Variants in MYOC observed in about 807,000 individuals in gnomAD.
The protein encoded by MYOC is juvenile-onset open-angle glaucoma 1.
MYOC carries 29 observed loss-of-function variants against 28.2 expected under a neutral mutation model. The observed-to-expected ratio is 1.03, with a 90% CI of 0.77 to 1.40. MYOC has a LOEUF of 1.40. Ranked by LOEUF, MYOC falls within the 40% of genes most tolerant of loss-of-function variation. The pLI, the probability that MYOC is intolerant of heterozygous loss-of-function variation, is 0.00. For synonymous variants in MYOC, 240 were observed against 245.6 expected, an observed-to-expected ratio of 0.98 and a Z score of 0.21; for missense variants, 569 against 620.6, an observed-to-expected ratio of 0.92 and a Z score of 0.88.
intron 1 of MYOC, among the ~76,000 whole-genome samples, chr1:171,642,720 C>T (rs1653106119): frequency 6.6e-6 from 1 of 151,974 alleles, no homozygotes; most frequent in African/African-American, 2.4e-5. Flanking sequence ...TGGGAGTACC[C>T]CCCGGGACAT....
In MYOC at chr1:171,635,837, CCTGG is replaced by C; in HGVS notation, c.*84_*87del. The C allele has an allele frequency of 4.9e-6, 7 of 1,434,810 alleles. No homozygotes were observed. Among genetic ancestry groups the C allele is most frequent in the Non-Finnish European group, 6.8e-6 (7 of 1,035,354 alleles). The allele number at this position is 1,434,810 out of a possible 1,614,324, so 88.9% of individuals were successfully genotyped here. On this transcript the variant is annotated 3_prime_UTR_variant, in exon 3 of 3. Transcript: ENST00000037502. ...GGAAAGCAGTCAAAGCTGCCTGGGC[CCTGG>C]CTGGCTGGCTCTCCCTTCAGCCTGC...
At chr1:171,639,472 C>A (rs1376999924) in intron 1 of MYOC, among the ~76,000 whole-genome samples, 1 of 151,794 alleles carries the variant, frequency 6.6e-6, no homozygotes, top group Non-Finnish European at 1.5e-5. Context: ...GTCTGAATTT[C>A]AATAATTAAA....
intron 1 of MYOC, among the ~76,000 whole-genome samples, chr1:171,646,499 T>G (rs1653209496): frequency 7.3e-6 from 1 of 136,204 alleles, no homozygotes; most frequent in Non-Finnish European, 1.6e-5. Context: ...GTTTTTTTTT[T>G]TGTTTTTTTT....
intron 1 of MYOC, chr1:171,643,534 T>C (rs537314160): frequency 1.3e-5 from 2 of 152,466 alleles, no homozygotes; most frequent in East Asian, 3.9e-4. Flanking sequence ...GGCAAAGTCT[T>C]GCCAGGACAA....
At chr1:171,647,221 C>T (rs1273710132) in intron 1 of MYOC, among the ~76,000 whole-genome samples, 1 of 152,148 alleles carries the variant, frequency 6.6e-6, no homozygotes, top group African/African-American at 2.4e-5. Flanking sequence ...TTGAATGATG[C>T]TTTAAAACAA....
chr1:171,643,624 C>A (rs2102947722), intron 1 of MYOC, among the ~76,000 whole-genome samples: 1 of 152,308 alleles, frequency 6.6e-6, no homozygotes, highest in Non-Finnish European at 1.5e-5. Flanking sequence ...TGGATCACTG[C>A]AGACTCTGCC....
At position 171,652,619 on chromosome 1, in the gene MYOC, G is replaced by T. The variant is rs766501882; in HGVS notation, c.-8C>A. On this transcript the variant is annotated 5_prime_UTR_variant, in exon 1 of 3. Transcript: ENST00000037502. The stretch of plus-strand genomic sequence containing the variant: ...TGCACAGAAGAACCTCATTGCAGAG[G>T]CTTGGTGAGGCTTCCTCTGGAAAGC... 6.8e-6 allele frequency: 11 copies of T among 1,613,802 alleles called. No homozygotes were observed. Among genetic ancestry groups the T allele is most frequent in the Non-Finnish European group, 7.6e-6 (9 of 1,180,030 alleles).
rs886045564 is a variant in MYOC, at chr1:171,635,854, C to T, written c.*71G>A. On this transcript the variant is annotated 3_prime_UTR_variant, in exon 3 of 3. Transcript: ENST00000037502. ...GCCTGGGCCCTGGCTGGCTGGCTCT[C>T]CCTTCAGCCTGCTCCCCCCAGGAGC... 4.2e-5 allele frequency: 65 copies of T among 1,559,156 alleles called. No homozygotes were observed. The highest frequency in any genetic ancestry group is 5.2e-5 in the Non-Finnish European group (59 of 1,140,880).
At position 171,652,310 on chromosome 1, in the gene MYOC, T is replaced by C; in HGVS notation, c.302A>G (p.Gln101Arg). The change falls in exon 1 of 3, where the codon CAA becomes CGA. Residue 101 changes from glutamine (Q) to arginine (R), a missense_variant. Coordinates refer to ENST00000037502, the MANE Select transcript of MYOC (RefSeq NM_000261.2). ...RLSSLESLLHQLTLDQAARPQ... is the reference protein window; with the variant it reads ...RLSSLESLLHRLTLDQAARPQ... ...CCTGGCAGCCTGGTCCAAGGTCAATTGGTGGAGGAGGCTCTCCAGGGAGCT... is the reference window on the plus strand; with the variant it reads ...CCTGGCAGCCTGGTCCAAGGTCAATCGGTGGAGGAGGCTCTCCAGGGAGCT... 6.2e-7 allele frequency: 1 copy of C among 1,610,950 alleles called. No homozygotes were observed. Among genetic ancestry groups the C allele is most frequent in the South Asian group, 1.1e-5 (1 of 90,888 alleles).
chr1:171,652,489 AT>A lies in MYOC; in HGVS notation c.122del (p.Asn41MetfsTer43), dbSNP rs754660394. ...GARTAQLRKA[N>X]DQSGRCQYTF... The stretch of plus-strand genomic sequence containing the variant: ...TATACTGGCATCGGCCACTCTGGTC[AT>A]TGGCCTTCCTGAGCTGAGCTGTCCT... On this transcript the variant is annotated frameshift_variant, in exon 1 of 3. Coordinates refer to ENST00000037502, the MANE Select transcript of MYOC (RefSeq NM_000261.2). LOFTEE classifies it high-confidence loss of function. 6.2e-7 allele frequency: 1 copy of A among 1,614,218 alleles called. No homozygotes were observed. The highest frequency in any genetic ancestry group is 8.5e-7 in the Non-Finnish European group (1 of 1,180,044).
At chr1:171,637,570 A>G (rs1462061464) in intron 2 of MYOC, among the ~76,000 whole-genome samples, 1 of 151,782 alleles carries the variant, frequency 6.6e-6, no homozygotes, top group African/African-American at 2.4e-5. Context: ...TGTAGTGAAG[A>G]GACGGTTGAA....
In MYOC at chr1:171,636,213, C is replaced by T. The variant is rs536180276; in HGVS notation, c.1227G>A (p.Glu409=). 1 of 1,614,046 alleles carries T rather than the reference C, an allele frequency of 6.2e-7. No homozygotes were observed. Among genetic ancestry groups the T allele is most frequent in the Non-Finnish European group, 8.5e-7 (1 of 1,180,046 alleles). The change falls in exon 3 of 3, where the codon GAG becomes GAA. Residue 409 remains glutamate, a synonymous_variant. Transcript: ENST00000037502. ...GAIVLSKLNP[E]NLELEQTWET... ...CCCAGGTTTGTTCGAGTTCCAGATT[C>T]TCTGGGTTCAGTTTGGAGAGGACAA...
chr1:171,651,986 T>TCCCCCCA, intron 1 of MYOC, 22 bp downstream of exon 1: 1 of 1,613,656 alleles, frequency 6.2e-7, no homozygotes, highest in Non-Finnish European at 8.5e-7. Context: ...GAACTCAGAG[T>TCCCCCCA]CCCCCCACTC....
At chr1:171,641,229 A>G (rs545930216) in intron 1 of MYOC, among the ~76,000 whole-genome samples, 3 of 152,014 alleles carry the variant, frequency 2.0e-5, no homozygotes, top group African/African-American at 7.2e-5. Context: ...TTATCTTTAC[A>G]AGTTGTTGTA....
At chr1:171,639,090 C>G (rs1653012458) in intron 1 of MYOC, among the ~76,000 whole-genome samples, 2 of 152,110 alleles carry the variant, frequency 1.3e-5, no homozygotes, top group Non-Finnish European at 2.9e-5. Context: ...GAAAGAAACT[C>G]TGTCTGAAAA....
chr1:171,645,261 C>T (rs1558088487), intron 1 of MYOC, among the ~76,000 whole-genome samples: 1 of 152,190 alleles, frequency 6.6e-6, no homozygotes, highest in Non-Finnish European at 1.5e-5. Context: ...TGGCCATAAC[C>T]TTTCCACAGC....
At chr1:171,639,418 G>A (rs10913371) in intron 1 of MYOC, among the ~76,000 whole-genome samples, 4,222 of 152,094 alleles carry the variant, frequency 0.028, 212 homozygotes, top group African/African-American at 0.095. Flanking sequence ...TAGGTGAGTC[G>A]TAATTTCAGG....
rs1324081328 is a variant in MYOC, at chr1:171,638,594, T to C, written c.730+3A>G. ...ACAAAAGGGAAGAAACTTAACTTCA[T>C]ACCGGTGTCTCCCTCTCCACTCCTG... is the stretch of plus-strand genomic sequence containing the variant. On this transcript the variant is annotated splice_donor_region_variant and intron_variant, in intron 2 of 2. Transcript: ENST00000037502. 3 of 1,614,086 alleles carry C rather than the reference T, an allele frequency of 1.9e-6. No individual in the cohort carries two copies. The highest frequency in any genetic ancestry group is 1.1e-5 in the South Asian group (1 of 91,082).
At position 171,636,082 on chromosome 1, in the gene MYOC, TA is replaced by T. The variant is rs576458696; in HGVS notation, c.1357del (p.Tyr453MetfsTer11). Reference protein sequence around the residue: ...TSADATVNFAYDTGTGISKTL... With the variant: ...TSADATVNFAXDTGTGISKTL... ...CTTGCTGATACCTGTGCCTGTGTCA[TA>T]AGCAAAGTTGACGGTAGCATCTGCT... On this transcript the variant is annotated frameshift_variant, in exon 3 of 3. Coordinates refer to ENST00000037502, the MANE Select transcript of MYOC (RefSeq NM_000261.2). LOFTEE classifies it high-confidence loss of function. The T allele has an allele frequency of 3.6e-5, 58 of 1,614,194 alleles. No homozygotes were observed. In the African/African-American group the frequency reaches 6.5e-4, roughly 18 times the overall value.
Sources: allele counts gnomAD v4.1 joint callset (sites outside exome capture counted in the v4.1 genomes callset), GRCh38; gene constraint gnomAD v4.1.1; transcripts MANE v1.5; gene names NCBI Gene and HGNC (gene_info 2026-07-23, HGNC 2026-07-21).